Variants in ARL15 observed in about 807,000 individuals in gnomAD.
The protein encoded by ARL15 is ARF like GTPase 15.
Under a neutral mutation model 25.2 loss-of-function variants are expected in ARL15, and 19 were observed. The observed-to-expected ratio is 0.75, with a 90% CI of 0.53 to 1.10. The LOEUF is 1.10. Ranked by LOEUF, ARL15 falls within the 50% of genes least tolerant of loss-of-function variation. ARL15 has a pLI of 0.00. For missense variants in ARL15, 220 were observed against 246.0 expected, an observed-to-expected ratio of 0.89 and a Z score of 0.71; for synonymous variants, 94 against 86.8, an observed-to-expected ratio of 1.08 and a Z score of -0.46.
intron 4 of ARL15, among the ~76,000 whole-genome samples, chr5:53,962,340 C>A (rs1323029707): frequency 1.3e-5 from 2 of 152,068 alleles, no homozygotes; most frequent in African/African-American, 2.4e-5. Flanking sequence ...CAAGTAATTA[C>A]CATTAAGTAT....
intron 4 of ARL15, among the ~76,000 whole-genome samples, chr5:53,990,150 CCCAGG>C: frequency 6.6e-6 from 1 of 151,992 alleles, no homozygotes; most frequent in Admixed American, 6.6e-5. Context: ...ATCGCTCAAG[CCCAGG>C]TCGTCTATAG....
intron 1 of ARL15, among the ~76,000 whole-genome samples, chr5:54,205,681 C>T (rs1374388470): frequency 1.3e-5 from 2 of 152,144 alleles, no homozygotes; most frequent in Non-Finnish European, 2.9e-5. Flanking sequence ...CTTATTTGAG[C>T]ACCACCATAA....
intron 4 of ARL15, among the ~76,000 whole-genome samples, chr5:53,940,222 C>G (rs941063177): frequency 6.6e-6 from 1 of 152,146 alleles, no homozygotes; most frequent in Admixed American, 6.5e-5. Context: ...ATCCGCCCAC[C>G]TTGGCCTCCC....
intron 1 of ARL15, among the ~76,000 whole-genome samples, chr5:54,232,421 A>G (rs1756695770): frequency 6.6e-6 from 1 of 152,236 alleles, no homozygotes; most frequent in Non-Finnish European, 1.5e-5. Context: ...GAGAGACCAG[A>G]GTAAGCAATG....
intron 3 of ARL15, among the ~76,000 whole-genome samples, chr5:54,140,792 T>G (rs1753754667): frequency 6.6e-6 from 1 of 152,194 alleles, no homozygotes; most frequent in Non-Finnish European, 1.5e-5. Context: ...GAAGATCAGC[T>G]GAAGATGATT....
intron 4 of ARL15, among the ~76,000 whole-genome samples, chr5:54,014,845 G>A (rs568729204): frequency 3.0e-4 from 46 of 152,158 alleles, no homozygotes; most frequent in African/African-American, 9.4e-4. Context: ...CCTTTAGGGT[G>A]TATGTAATCA....
At chr5:54,068,969 T>TG (rs1751332065) in intron 4 of ARL15, among the ~76,000 whole-genome samples, 1 of 152,216 alleles carries the variant, frequency 6.6e-6, no homozygotes, top group Non-Finnish European at 1.5e-5. Context: ...ACGATACACA[T>TG]GCTTAACAAA....
chr5:54,238,531 A>C (rs769825962), intron 1 of ARL15, among the ~76,000 whole-genome samples: 6 of 152,174 alleles, frequency 3.9e-5, no homozygotes, highest in South Asian at 4.1e-4. Flanking sequence ...CCGCCAGAGA[A>C]TATTTTTTAG....
intron 1 of ARL15, among the ~76,000 whole-genome samples, chr5:54,302,379 G>A (rs1486815931): frequency 2.0e-5 from 3 of 152,168 alleles, no homozygotes; most frequent in African/African-American, 7.2e-5. Flanking sequence ...ACCTTTCAGA[G>A]TCTCAAGTTT....
intron 1 of ARL15, among the ~76,000 whole-genome samples, chr5:54,301,283 G>A (rs1758610787): frequency 6.6e-6 from 1 of 152,090 alleles, no homozygotes; most frequent in African/African-American, 2.4e-5. Context: ...AGCAAATTTA[G>A]AAAGATAGAG....
chr5:53,921,201 A>C (rs1228481481), intron 4 of ARL15, among the ~76,000 whole-genome samples: 1 of 152,208 alleles, frequency 6.6e-6, no homozygotes, highest in Non-Finnish European at 1.5e-5. Flanking sequence ...CATTTAACTC[A>C]TATAGGAACA....
chr5:54,089,417 G>GA (rs1172640817), intron 4 of ARL15, among the ~76,000 whole-genome samples: 14 of 152,038 alleles, frequency 9.2e-5, no homozygotes, highest in African/African-American at 2.4e-4. Flanking sequence ...CTATTAATAG[G>GA]AAAAAAATCA....
intron 4 of ARL15, among the ~76,000 whole-genome samples, chr5:53,986,497 C>T (rs1748301444): frequency 6.6e-6 from 1 of 152,192 alleles, no homozygotes; most frequent in African/African-American, 2.4e-5. Flanking sequence ...GCCTCCACTC[C>T]AGACATCGGA....
intron 4 of ARL15, among the ~76,000 whole-genome samples, chr5:54,069,581 A>ATAC (rs1232737038): frequency 7.7e-6 from 1 of 130,578 alleles, no homozygotes; most frequent in Admixed American, 7.4e-5. Context: ...AAAAAAAAAA[A>ATAC]AAACCACGAA....
chr5:54,281,657 T>C (rs1041153346), intron 1 of ARL15, among the ~76,000 whole-genome samples: 4 of 152,198 alleles, frequency 2.6e-5, no homozygotes, highest in Non-Finnish European at 5.9e-5. Flanking sequence ...GAGGGCAAAG[T>C]CACCCCTTGT....
Position 54,274,417 on chromosome 5 carries a change from T to C in ARL15, c.48+36015A>G, listed in dbSNP as rs191548649. ...AACATGATAAAGAAAAATACAGCAGTCCTATCAATCTTATGTATTTCACAG... is the reference window on the plus strand; with the variant it reads ...AACATGATAAAGAAAAATACAGCAGCCCTATCAATCTTATGTATTTCACAG... On this transcript the variant is annotated intron_variant, in intron 1 of 4. Coordinates refer to ENST00000504924, the MANE Select transcript of ARL15 (RefSeq NM_019087.3). 2.0e-5 allele frequency among the ~76,000 whole-genome samples: 3 copies of C among 152,270 alleles called. No homozygotes were observed. The East Asian group carries it at 5.8e-4, about 29-fold the overall frequency.
At chr5:53,948,082 A>C (rs1466109007) in intron 4 of ARL15, among the ~76,000 whole-genome samples, 1 of 152,252 alleles carries the variant, frequency 6.6e-6, no homozygotes, top group Non-Finnish European at 1.5e-5. Context: ...AACAAATTAG[A>C]AAGAAAAGAA....
chr5:53,947,221 T>TGTGTGG (rs57259252), intron 4 of ARL15, among the ~76,000 whole-genome samples: 2 of 114,808 alleles, frequency 1.7e-5, no homozygotes, highest in Admixed American at 8.8e-5. Context: ...TGTGTGTGTG[T>TGTGTGG]TGAGGGCTGG....
chr5:54,284,857 C>G (rs1250424364), intron 1 of ARL15, among the ~76,000 whole-genome samples: 2 of 152,136 alleles, frequency 1.3e-5, no homozygotes, highest in Non-Finnish European at 2.9e-5. Context: ...TCAACAATGG[C>G]CTCTTCCCTC....
Sources: gnomAD v4.1 joint callset for allele counts (sites outside exome capture counted in the v4.1 genomes callset) on GRCh38, gnomAD v4.1.1 for gene constraint, MANE v1.5 for transcripts, NCBI Gene and HGNC (gene_info 2026-07-23, HGNC 2026-07-21) for gene names.